ZNF804A: variants seen among roughly 807,000 people sequenced by gnomAD.
ZNF804A encodes zinc finger protein 804A.
Under a neutral mutation model 16.5 loss-of-function variants are expected in ZNF804A, and 2 were observed. The observed-to-expected ratio is 0.12, with a 90% CI of 0.05 to 0.38. The LOEUF is 0.38. ZNF804A is among the 10% of genes least tolerant of loss of function. The pLI, the probability that ZNF804A is intolerant of heterozygous loss-of-function variation, is 0.99. For synonymous variants in ZNF804A, 534 were observed against 489.6 expected (o/e 1.09, Z -1.20); for missense variants, 1,473 against 1,390.7 (o/e 1.06, Z -0.94).
chr2:184,720,853 A>G (rs911873368), intron 1 of ZNF804A, among the ~76,000 whole-genome samples: 2 of 152,168 alleles, frequency 1.3e-5, no homozygotes, highest in Admixed American at 6.6e-5. Context: ...ATATAGTACA[A>G]GGCTATAGTA....
At chr2:184,827,840 A>G (rs1695189307) in intron 1 of ZNF804A, among the ~76,000 whole-genome samples, 1 of 151,762 alleles carries the variant, frequency 6.6e-6, no homozygotes, top group Admixed American at 6.6e-5. Context: ...AATACCCATT[A>G]CTGTCAGCTG....
intron 1 of ZNF804A, among the ~76,000 whole-genome samples, chr2:184,699,838 A>G (rs543166748): frequency 1.3e-5 from 2 of 152,212 alleles, no homozygotes; most frequent in South Asian, 2.1e-4. Context: ...TCAACTTTGT[A>G]TAGATGAAAA....
chr2:184,893,885 T>C (rs898184953), intron 2 of ZNF804A, among the ~76,000 whole-genome samples: 1 of 152,156 alleles, frequency 6.6e-6, no homozygotes, highest in Non-Finnish European at 1.5e-5. Context: ...TGATACATGG[T>C]AACTGATTCT....
intron 1 of ZNF804A, among the ~76,000 whole-genome samples, chr2:184,785,564 G>T (rs914818630): frequency 2.6e-5 from 4 of 151,876 alleles, no homozygotes; most frequent in African/African-American, 7.3e-5. Context: ...GTTAACTTTT[G>T]TATGGCCTTG....
At chr2:184,743,779 T>C (rs1382441821) in intron 1 of ZNF804A, among the ~76,000 whole-genome samples, 1 of 151,948 alleles carries the variant, frequency 6.6e-6, no homozygotes, top group African/African-American at 2.4e-5. Flanking sequence ...CTTAGTTTAT[T>C]CTTACTGCGA....
intron 1 of ZNF804A, among the ~76,000 whole-genome samples, chr2:184,612,640 G>T (rs753808068): frequency 1.6e-4 from 25 of 151,966 alleles, no homozygotes; most frequent in African/African-American, 5.8e-4. Context: ...TCTCTATGTT[G>T]GTCAGGCTGA....
intron 1 of ZNF804A, among the ~76,000 whole-genome samples, chr2:184,741,803 T>A (rs1199749317): frequency 6.6e-6 from 1 of 152,138 alleles, no homozygotes; most frequent in Non-Finnish European, 1.5e-5. Context: ...TATCATAGGC[T>A]TTCCATTGTG....
chr2:184,730,795 C>T (rs1251434399), intron 1 of ZNF804A, among the ~76,000 whole-genome samples: 1 of 150,150 alleles, frequency 6.7e-6, no homozygotes, highest in Non-Finnish European at 1.5e-5. Context: ...ATCTTGGTTG[C>T]TTCCAAGTTT....
At chr2:184,632,477 G>C (rs191437704) in intron 1 of ZNF804A, among the ~76,000 whole-genome samples, 2 of 152,244 alleles carry the variant, frequency 1.3e-5, no homozygotes, top group African/African-American at 4.8e-5. Context: ...CTTACTGCAA[G>C]CTCCGTCTCC....
chr2:184,793,677 A>G (rs905854493), intron 1 of ZNF804A, among the ~76,000 whole-genome samples: 2 of 152,080 alleles, frequency 1.3e-5, no homozygotes, highest in Non-Finnish European at 2.9e-5. Context: ...TAACCGGAGC[A>G]TTATACACTA....
chr2:184,936,672 G>C lies in ZNF804A; in HGVS notation c.1276G>C (p.Val426Leu). The change falls in exon 4 of 4, where the codon GTA becomes CTA. Residue 426 changes from valine to leucine, a missense_variant. By Grantham distance (32) the Val-to-Leu change is conservative (BLOSUM62 1). Transcript: ENST00000302277. The stretch of plus-strand genomic sequence containing the variant: ...CTGCAAAAGACAATGTGAGCCATTT[G>C]TACCTGTCCTTAACAAACACAGATC... ...NFCKRQCEPF[V>L]PVLNKHRSTV... 1 of 1,613,942 alleles carries C rather than the reference G, an allele frequency of 6.2e-7. No individual in the cohort carries two copies.
At chr2:184,816,427 AG>A (rs1206814093) in intron 1 of ZNF804A, among the ~76,000 whole-genome samples, 1 of 152,046 alleles carries the variant, frequency 6.6e-6, no homozygotes, top group African/African-American at 2.4e-5. Context: ...GAGAATTTCA[AG>A]ATTTAAAGAA....
intron 1 of ZNF804A, among the ~76,000 whole-genome samples, chr2:184,641,443 T>G (rs1574143288): frequency 1.3e-5 from 2 of 152,154 alleles, no homozygotes; most frequent in Middle Eastern, 6.8e-3. Flanking sequence ...ACAAGGAGCT[T>G]TGTGGAGTAA....
intron 1 of ZNF804A, among the ~76,000 whole-genome samples, chr2:184,706,397 G>A (rs1034103007): frequency 2.0e-5 from 3 of 152,186 alleles, no homozygotes; most frequent in African/African-American, 7.2e-5. Flanking sequence ...TGAGGTGATA[G>A]GCAGAGAAGG....
intron 1 of ZNF804A, among the ~76,000 whole-genome samples, chr2:184,844,321 A>T (rs1403290565): frequency 6.6e-6 from 1 of 152,018 alleles, no homozygotes; most frequent in Admixed American, 6.6e-5. Flanking sequence ...ATACCACTTA[A>T]CCTTCATTTA....
At chr2:184,869,148 T>C (rs1695931980) in intron 2 of ZNF804A, among the ~76,000 whole-genome samples, 1 of 151,986 alleles carries the variant, frequency 6.6e-6, no homozygotes, top group Admixed American at 6.6e-5. Context: ...AAAAAAAATT[T>C]CTGAAATCCA....
chr2:184,893,345 T>G (rs1198656482), intron 2 of ZNF804A, among the ~76,000 whole-genome samples: 1 of 152,046 alleles, frequency 6.6e-6, no homozygotes, highest in Non-Finnish European at 1.5e-5. Context: ...GTTGTTGTTT[T>G]AATGCTTAGA....
At chr2:184,731,442 G>A (rs534567694) in intron 1 of ZNF804A, among the ~76,000 whole-genome samples, 14 of 151,758 alleles carry the variant, frequency 9.2e-5, no homozygotes, top group Admixed American at 4.6e-4. Flanking sequence ...GATATGTAGT[G>A]ATGTTATAGC....
chr2:184,799,151 G>T (rs1694683673), intron 1 of ZNF804A, among the ~76,000 whole-genome samples: 1 of 151,930 alleles, frequency 6.6e-6, no homozygotes, highest in South Asian at 2.1e-4. Flanking sequence ...CACTCTAGAG[G>T]GTCTGTGGGT....
Sources: gnomAD v4.1 joint callset for allele counts (sites outside exome capture counted in the v4.1 genomes callset) on GRCh38, gnomAD v4.1.1 for gene constraint, MANE v1.5 for transcripts, NCBI Gene and HGNC (gene_info 2026-07-23, HGNC 2026-07-21) for gene names.